The following STAC2 variants were observed in gnomAD, a reference collection of about 807,000 sequenced individuals.
The protein encoded by STAC2 is SH3 and cysteine rich domain 2, also known as SH3 and cysteine-rich domain-containing protein 2.
In STAC2, 36 loss-of-function variants were observed where a neutral mutation model predicts 49.0. The observed-to-expected ratio is 0.74, with a 90% CI of 0.56 to 0.97. The LOEUF (loss-of-function observed/expected upper bound fraction) is 0.97. Among genes scored for constraint, STAC2 ranks in the 50% least tolerant of loss-of-function variants. The pLI is 0.00. For synonymous variants in STAC2, 239 were observed against 214.7 expected (o/e 1.11, Z -0.99); for missense variants, 527 against 543.8 (o/e 0.97, Z 0.31).
At position 39,217,963 on chromosome 17, in the gene STAC2, G is replaced by A; in HGVS notation, c.301C>T (p.Pro101Ser). The change falls in exon 2 of 11, where the codon CCC becomes TCC. Residue 101 changes from proline to serine, a missense_variant. Pro to Ser is a moderately conservative substitution (Grantham distance 74). Transcript: ENST00000333461. The part of the protein sequence containing the change: ...PSPSPCPVPR[P>S]LAALKPVRLH... ...CTCACTGGTTTGAGCGCTGCCAGGG[G>A]GCGTGGGACTGGGCATGGGGAGGGG... is the stretch of plus-strand genomic sequence containing the variant. 3.1e-6 allele frequency: 5 copies of A among 1,594,636 alleles called. No homozygotes were observed. The highest frequency in any genetic ancestry group is 4.3e-6 in the Non-Finnish European group (5 of 1,171,350).
intron 10 of STAC2, 21 bp from the exon 11 acceptor site, chr17:39,212,417 G>T (rs1347354781): frequency 1.3e-6 from 2 of 1,583,454 alleles, no homozygotes; most frequent in Non-Finnish European, 1.7e-6. Context: ...GAGACATGGA[G>T]CTGAGGCCTG....
intron 8 of STAC2, 127 bp downstream of exon 8, chr17:39,214,106 C>G: frequency 9.2e-7 from 1 of 1,084,678 alleles, no homozygotes; most frequent in Non-Finnish European, 1.4e-6. Context: ...CTGGGCAGTT[C>G]CAGCTCCTGT....
At chr17:39,222,612 C>T (rs2046473157) in intron 1 of STAC2, among the ~76,000 whole-genome samples, 1 of 152,194 alleles carries the variant, frequency 6.6e-6, no homozygotes, top group Non-Finnish European at 1.5e-5. Flanking sequence ...CTCTTCTCCC[C>T]ACTATACTTT....
intron 1 of STAC2, among the ~76,000 whole-genome samples, chr17:39,221,488 T>C (rs1567834740): frequency 1.3e-5 from 2 of 152,120 alleles, no homozygotes; most frequent in Admixed American, 6.6e-5. Context: ...GGTCAGAACA[T>C]TGGAATTGAG....
intron 5 of STAC2, 33 bp from the exon 6 acceptor site, chr17:39,215,056 C>A: frequency 6.2e-7 from 1 of 1,613,986 alleles, no homozygotes; most frequent in South Asian, 1.1e-5. Context: ...GCTCAGCCCC[C>A]GAGCCCACTG....
At chr17:39,215,348 C>T in intron 4 of STAC2, 118 bp from the exon 5 acceptor site, 1 of 988,236 alleles carries the variant, frequency 1.0e-6, no homozygotes, top group Non-Finnish European at 1.5e-6. Flanking sequence ...CCTCCCAGGT[C>T]TTCCTCATCC....
At position 39,225,238 on chromosome 17, in the gene STAC2, T is replaced by C. The variant is rs191159616; in HGVS notation, c.90+175A>G. On this transcript the variant is annotated intron_variant, in intron 1 of 10. Coordinates refer to ENST00000333461, the MANE Select transcript of STAC2 (RefSeq NM_198993.5). This position sits in a 1 kb window ranked among gnomAD's most constrained non-coding sequence, Gnocchi z 8.2. ...GTGCGGTGCCGGTGTGATCGGGGGC[T>C]CCTTGTGGCCCCTCGTCGCCAACCC... Among the ~76,000 whole-genome samples the C allele has an allele frequency of 1.5e-3, 224 of 152,138 alleles. 1 individual carries two copies. In the Middle Eastern group the frequency reaches 0.028, roughly 19 times the overall value.
At chr17:39,216,709 TGA>T in intron 4 of STAC2, 99 bp downstream of exon 4, 1 of 1,172,116 alleles carries the variant, frequency 8.5e-7, no homozygotes, top group Non-Finnish European at 1.2e-6. Flanking sequence ...TTCAAGCAAT[TGA>T]GAGACGGGGT....
At chr17:39,222,037 C>G (rs1032777693) in intron 1 of STAC2, among the ~76,000 whole-genome samples, 1 of 152,186 alleles carries the variant, frequency 6.6e-6, no homozygotes, top group Admixed American at 6.5e-5. Context: ...CCATATAGAG[C>G]TGAAACCTGC....
In STAC2 at chr17:39,213,081, C is replaced by T. The variant is rs1454223919; in HGVS notation, c.1045G>A (p.Val349Met). The change falls in exon 10 of 11, where the codon GTG becomes ATG. Residue 349 changes from valine to methionine, a missense_variant. Coordinates refer to ENST00000333461, the MANE Select transcript of STAC2 (RefSeq NM_198993.5). ...GFFPANFVQR[V>M]RPGENVWRCC... ...CGCCAAACATTCTCGCCTGGCCTCA[C>T]CCGTTGCACAAAATTAGCTGGGAAG... is the stretch of plus-strand genomic sequence containing the variant. 2.5e-6 allele frequency: 4 copies of T among 1,613,242 alleles called. No homozygotes were observed. Among genetic ancestry groups the T allele is most frequent in the East Asian group, 2.2e-5 (1 of 44,884 alleles).
At chr17:39,214,390 C>T in intron 7 of STAC2, 60 bp from the exon 8 acceptor site, 11 of 1,608,090 alleles carry the variant, frequency 6.8e-6, no homozygotes, top group South Asian at 1.1e-5. Flanking sequence ...CCCCACTCTC[C>T]ACTCGCTCTG....
intron 1 of STAC2, among the ~76,000 whole-genome samples, chr17:39,221,118 C>T (rs550861362): frequency 8.0e-5 from 12 of 150,018 alleles, no homozygotes; most frequent in East Asian, 4.0e-4. Flanking sequence ...TTTTTTGAGA[C>T]GGAGTCTTGC....
rs71369731 is a variant in STAC2, at chr17:39,219,733, G to A, written c.91-1560C>T. ...CTCTCATTCAAACACACCCTACTGA[G>A]TCTTCCCAGAGAGAGGTCTGGAAAC... On this transcript the variant is annotated intron_variant, in intron 1 of 10. Coordinates refer to ENST00000333461, the MANE Select transcript of STAC2 (RefSeq NM_198993.5). Among the ~76,000 whole-genome samples the A allele has an allele frequency of 8.0e-3, 1,214 of 152,308 alleles. 19 individuals are homozygous for A. Among genetic ancestry groups the A allele is most frequent in the African/African-American group, 0.028 (1,170 of 41,568 alleles).
chr17:39,216,843 C>T lies in STAC2; in HGVS notation c.553G>A (p.Val185Ile), dbSNP rs1225062537. Residue 185 changes from valine (V) to isoleucine (I), a missense_variant, in exon 4 of 11, where the codon GTC becomes ATC. By Grantham distance (29) the Val-to-Ile change is conservative. Coordinates refer to ENST00000333461, the MANE Select transcript of STAC2 (RefSeq NM_198993.5). Reference protein sequence around the residue: ...SPLLVHEPPPVCATSKESPPT... With the variant: ...SPLLVHEPPPICATSKESPPT... ...GGGGACTCTTTGCTTGTGGCACAGA[C>T]TGGTGGCGGCTCATGCACCAGGAGA... 4 of 1,601,742 alleles carry T rather than the reference C, an allele frequency of 2.5e-6. No homozygotes were observed. The highest frequency in any genetic ancestry group is 3.4e-6 in the Non-Finnish European group (4 of 1,174,414).
intron 1 of STAC2, among the ~76,000 whole-genome samples, chr17:39,223,539 T>C (rs1305780402): frequency 6.6e-6 from 1 of 152,046 alleles, no homozygotes; most frequent in Non-Finnish European, 1.5e-5. Flanking sequence ...CATTGGAGGG[T>C]CCCTGGCCTG....
chr17:39,217,021 A>G, intron 3 of STAC2, 55 bp downstream of exon 3: 1 of 1,609,544 alleles, frequency 6.2e-7, no homozygotes, highest in Non-Finnish European at 8.5e-7. Flanking sequence ...TCATTCTCCC[A>G]TGTGACAGTA....
rs1290275326 is a variant in STAC2, at chr17:39,225,922, C to T, written c.-420G>A. The T allele has an allele frequency of 4.4e-6, 1 of 225,584 alleles. No homozygotes were observed. The highest frequency in any genetic ancestry group is 5.2e-5 in the South Asian group (1 of 19,180). The allele number at this position is 225,584 out of a possible 1,614,324, so 14.0% of individuals were successfully genotyped here. A position where few individuals can be genotyped will look rare whatever the true frequency, so the allele number is the denominator to read the frequency against. On this transcript the variant is annotated 5_prime_UTR_variant, in exon 1 of 11. Transcript: ENST00000333461. The surrounding 1 kb of genome is among the most constrained non-coding windows in gnomAD (Gnocchi z 8.2). ...AGCCCGGCACCCGGCGGCCCCTCCG[C>T]CCAGTCCTCGCCGCCCAACTTTGAT... is the stretch of plus-strand genomic sequence containing the variant.
chr17:39,224,852 C>A (rs980376263), intron 1 of STAC2, among the ~76,000 whole-genome samples: 5 of 152,096 alleles, frequency 3.3e-5, no homozygotes, highest in African/African-American at 1.2e-4. Context: ...CCTCGCGTCC[C>A]CGAGCCCAAC....
intron 7 of STAC2, 183 bp from the exon 8 acceptor site, chr17:39,214,513 G>A (rs754070928): frequency 9.5e-6 from 9 of 944,914 alleles, no homozygotes; most frequent in Non-Finnish European, 1.1e-5. Context: ...CACTGGGACG[G>A]GAATGGAGAG....
Sources: gnomAD v4.1 joint callset for allele counts (sites outside exome capture counted in the v4.1 genomes callset) on GRCh38, gnomAD v4.1.1 for gene constraint, Gnocchi (gnomAD v3.1) non-coding constraint, MANE v1.5 for transcripts, NCBI Gene and HGNC (gene_info 2026-07-23, HGNC 2026-07-21) for gene names.